The following GRIA3 variants were observed in gnomAD, a reference collection of about 807,000 sequenced individuals.
GRIA3 encodes the protein glutamate receptor 3.
Under a neutral mutation model 63.0 loss-of-function variants are expected in GRIA3, and 3 were observed. The observed-to-expected ratio is 0.05, with a 90% CI of 0.02 to 0.12. The LOEUF is 0.12. Among genes scored for constraint, GRIA3 ranks in the 10% least tolerant of loss-of-function variants. GRIA3 has a pLI of 1.00. For missense variants in GRIA3, 347 were observed against 700.9 expected (o/e 0.50, Z 5.70); for synonymous variants, 274 against 257.9 (o/e 1.06, Z -0.60).
chrX:123,200,525 C>T (rs1319178247), intron 2 of GRIA3, among the ~76,000 whole-genome samples: 7 of 105,644 alleles, frequency 6.6e-5, no homozygotes, highest in African/African-American at 2.4e-4. Flanking sequence ...ACCTTATGTA[C>T]ATATATTTAT....
intron 2 of GRIA3, among the ~76,000 whole-genome samples, chrX:123,242,997 T>C (rs2044338761): frequency 8.9e-6 from 1 of 111,934 alleles, no homozygotes; most frequent in African/African-American, 3.3e-5. Flanking sequence ...TACTATGGAG[T>C]AGGTACTATT....
intron 11 of GRIA3, among the ~76,000 whole-genome samples, chrX:123,421,696 G>A (rs1403394506): frequency 1.8e-5 from 2 of 112,124 alleles, no homozygotes; most frequent in Non-Finnish European, 3.8e-5. Flanking sequence ...ACTGGGGGCA[G>A]AGGGACAACA....
Position 123,300,360 on chromosome X carries a change from C to CT in GRIA3, c.509-25639dup, listed in dbSNP as rs147031319. ...AGCTGTGAATCTGTCTGGTCCTGGG[C>CT]TTTTTTTTTTTTTTTTTTTTTTTTT... On this transcript the variant is annotated intron_variant, in intron 3 of 15. Coordinates refer to ENST00000620443, the MANE Select transcript of GRIA3 (RefSeq NM_007325.5). Among the ~76,000 whole-genome samples the CT allele has an allele frequency of 2.3e-3, 51 of 22,516 alleles. 3 individuals carry two copies. Among genetic ancestry groups the CT allele is most frequent in the South Asian group, 0.013 (2 of 151 alleles). 19.6% of individuals were successfully genotyped at this position (22,516 alleles called of 115,157 possible).
At chrX:123,454,523 T>C (rs745598191) in intron 12 of GRIA3, among the ~76,000 whole-genome samples, 12 of 111,025 alleles carry the variant, frequency 1.1e-4, no homozygotes, top group African/African-American at 3.3e-4. Flanking sequence ...CTTAGCACCG[T>C]TGACATTTGG....
intron 3 of GRIA3, among the ~76,000 whole-genome samples, chrX:123,292,666 C>A (rs1469723788): frequency 9.0e-6 from 1 of 111,401 alleles, no homozygotes; most frequent in Non-Finnish European, 1.9e-5. Flanking sequence ...CAGAAAATCC[C>A]TGCAGCTTAA....
intron 11 of GRIA3, among the ~76,000 whole-genome samples, chrX:123,423,970 T>C (rs1217225594): frequency 2.7e-5 from 3 of 112,052 alleles, no homozygotes; most frequent in Admixed American, 9.5e-5. Flanking sequence ...GTTTTCCTCT[T>C]GTTGCTAATT....
chrX:123,185,758 A>T, intron 1 of GRIA3, 74 bp from the exon 2 acceptor site: 1 of 844,849 alleles, frequency 1.2e-6, no homozygotes, highest in Non-Finnish European at 1.8e-6. Flanking sequence ...TCCGGTATCT[A>T]TATTGTTCCC....
chrX:123,207,814 C>T (rs967343696), intron 2 of GRIA3, among the ~76,000 whole-genome samples: 2 of 111,267 alleles, frequency 1.8e-5, no homozygotes, highest in Non-Finnish European at 3.8e-5. Flanking sequence ...TCAGGGCCAC[C>T]TCACAGTTCT....
At chrX:123,253,569 T>A in intron 3 of GRIA3, 27 bp downstream of exon 3, 1 of 1,180,538 alleles carries the variant, frequency 8.5e-7, no homozygotes, top group Non-Finnish European at 1.2e-6. Context: ...GCTCTGCTCT[T>A]TAGATATTCA....
At chrX:123,202,912 T>C in intron 2 of GRIA3, 1 of 676,824 alleles carries the variant, frequency 1.5e-6, no homozygotes, top group Non-Finnish European at 2.2e-6. Context: ...TCCAGGCAAG[T>C]CAAAGTCAAG....
intron 5 of GRIA3, among the ~76,000 whole-genome samples, chrX:123,367,113 G>A (rs1043306711): frequency 3.6e-5 from 4 of 111,190 alleles, no homozygotes; most frequent in Admixed American, 2.9e-4. Context: ...GGGTAGACGA[G>A]AAATGCCAGA....
intron 9 of GRIA3, 118 bp from the exon 10 acceptor site, chrX:123,404,590 T>C (rs1183070853): frequency 3.9e-6 from 2 of 516,906 alleles, no homozygotes; most frequent in Non-Finnish European, 6.8e-6. Context: ...AGTAACAATT[T>C]AAAGGCCTTT....
intron 10 of GRIA3, among the ~76,000 whole-genome samples, chrX:123,414,682 T>C (rs1345398801): frequency 1.8e-5 from 2 of 108,256 alleles, no homozygotes; most frequent in Non-Finnish European, 3.8e-5. Flanking sequence ...TTTGGTTTTC[T>C]GTCCTTTTGA....
intron 5 of GRIA3, chrX:123,358,484 T>C (rs2045147823): frequency 8.9e-6 from 1 of 112,063 alleles, no homozygotes; most frequent in African/African-American, 3.2e-5. Context: ...GGTCAAGATG[T>C]ACATTTCAGA....
At chrX:123,279,918 A>G (rs1185925289) in intron 3 of GRIA3, among the ~76,000 whole-genome samples, 1 of 111,913 alleles carries the variant, frequency 8.9e-6, no homozygotes, top group Non-Finnish European at 1.9e-5. Flanking sequence ...TTGATACAAC[A>G]TTATAATTAT....
rs370392197 is a variant in GRIA3, at chrX:123,270,211, C to A, written c.508+16669C>A. Among the ~76,000 whole-genome samples, 22 of 112,125 alleles carry A rather than the reference C, an allele frequency of 2.0e-4. No individual in the cohort carries two copies. The East Asian group carries it at 5.9e-3, about 30-fold the overall frequency. The stretch of plus-strand genomic sequence containing the variant: ...TTCCAATTTCCTTTCCAAGCTCTCC[C>A]TTCACCTGCAGGCCCATTTCCTGAG... On this transcript the variant is annotated intron_variant, in intron 3 of 15. Transcript: ENST00000620443.
intron 9 of GRIA3, among the ~76,000 whole-genome samples, chrX:123,404,318 C>T (rs2045459725): frequency 9.0e-6 from 1 of 110,578 alleles, no homozygotes; most frequent in Admixed American, 9.7e-5. Context: ...AATGCTTCCC[C>T]AGGGCTTTGC....
At chrX:123,364,738 T>G (rs191522663) in intron 5 of GRIA3, among the ~76,000 whole-genome samples, 136 of 112,283 alleles carry the variant, frequency 1.2e-3, no homozygotes, top group African/African-American at 3.9e-3. Flanking sequence ...AACAAATGGA[T>G]AAAGGAAATG....
chrX:123,258,337 ATTTCTAT>A (rs753749491), intron 3 of GRIA3, among the ~76,000 whole-genome samples: 92 of 112,612 alleles, frequency 8.2e-4, no homozygotes, highest in African/African-American at 2.9e-3. Context: ...GGAAGAAGAA[ATTTCTAT>A]TCAGGCAAAG....
Sources: gnomAD v4.1 joint callset for allele counts (sites outside exome capture counted in the v4.1 genomes callset) on GRCh38, gnomAD v4.1.1 for gene constraint, MANE v1.5 for transcripts, NCBI Gene and HGNC (gene_info 2026-07-23, HGNC 2026-07-21) for gene names.